HDAC2: variants seen among roughly 807,000 people sequenced by gnomAD.
HDAC2 encodes the protein YY1-associated factor 1.
Under a neutral mutation model 68.5 loss-of-function variants are expected in HDAC2, and 5 were observed. That is an observed-to-expected ratio of 0.07 (90% CI 0.04 to 0.15). HDAC2 has a LOEUF of 0.15. Ranked by LOEUF, HDAC2 falls within the 10% of genes least tolerant of loss-of-function variation. The probability of loss-of-function intolerance (pLI) is 1.00; values close to 1 mark genes in which losing one functional copy is unlikely to be tolerated. For synonymous variants in HDAC2, 182 were observed against 191.3 expected (o/e 0.95, Z 0.40); for missense variants, 291 against 600.8 (o/e 0.48, Z 5.39).
intron 1 of HDAC2, among the ~76,000 whole-genome samples, chr6:113,967,387 C>T (rs1160878272): frequency 6.6e-6 from 1 of 152,166 alleles, no homozygotes; most frequent in Non-Finnish European, 1.5e-5. Context: ...CCTCAGTCTC[C>T]CAAAGTGCTG....
Position 113,944,301 on chromosome 6 carries a change from C to T in HDAC2, c.1201G>A (p.Asp401Asn), listed in dbSNP as rs765221258. The part of the protein sequence containing the change: ...HEDSGDEDGE[D>N]PDKRISIRAS... Reference sequence around the variant, plus strand: ...TTACTAGAAATTCTCTTGTCTGGATCTTCTCCATCTTCATCTCCACTGTCT... The same window carrying T: ...TTACTAGAAATTCTCTTGTCTGGATTTTCTCCATCTTCATCTCCACTGTCT... The change falls in exon 11 of 14, where the codon GAT becomes AAT. Residue 401 changes from aspartate to asparagine, a missense_variant. By Grantham distance (23) the Asp-to-Asn change is conservative. Around this residue, in one of 2 missense-constraint regions of HDAC2, gnomAD observed 137 missense variants for 128.7 expected, o/e 1.06. Coordinates refer to ENST00000519065, the MANE Select transcript of HDAC2 (RefSeq NM_001527.4). The T allele has an allele frequency of 6.2e-7, 1 of 1,612,214 alleles. No individual in the cohort carries two copies. Among genetic ancestry groups the T allele is most frequent in the Non-Finnish European group, 8.5e-7 (1 of 1,178,388 alleles).
chr6:113,951,521 G>A (rs1419216504), intron 6 of HDAC2, among the ~76,000 whole-genome samples: 1 of 147,086 alleles, frequency 6.8e-6, no homozygotes, highest in Non-Finnish European at 1.5e-5. Context: ...AGGCTGGAGT[G>A]CAGTGGAGCG....
chr6:113,965,448 C>CCT (rs974843853), intron 1 of HDAC2, among the ~76,000 whole-genome samples: 7 of 151,652 alleles, frequency 4.6e-5, no homozygotes, highest in Non-Finnish European at 1.0e-4. Context: ...CTCACTGCAA[C>CCT]CTCTCTGCCT....
rs1003145291 is a variant in HDAC2 at position 113,937,840 on chromosome 6, C to A, written c.*3218G>T. 6.6e-6 allele frequency: 1 copy of A among 152,188 alleles called. No homozygotes were observed. The highest frequency in any genetic ancestry group is 2.4e-5 in the African/African-American group (1 of 41,422). 9.4% of individuals were successfully genotyped at this position (152,188 alleles called of 1,614,324 possible). A position where few individuals can be genotyped will look rare whatever the true frequency, so the allele number is the denominator to read the frequency against. On this transcript the variant is annotated 3_prime_UTR_variant, in exon 14 of 14. Transcript: ENST00000519065. ...ACACTCCATCCTGGGTGACCGAGATCCTTTCTCTAAAAAAAAGAGATAAAC... is the reference window on the plus strand; with the variant it reads ...ACACTCCATCCTGGGTGACCGAGATACTTTCTCTAAAAAAAAGAGATAAAC...
At chr6:113,952,157 T>C (rs1156791999) in intron 6 of HDAC2, among the ~76,000 whole-genome samples, 2 of 152,182 alleles carry the variant, frequency 1.3e-5, no homozygotes, top group Admixed American at 6.5e-5. Context: ...AGTTCCCAGG[T>C]GATGCTGATC....
rs1267429207 is a variant in HDAC2 at position 113,937,681 on chromosome 6, C to T, written c.*3377G>A. 1 of 151,684 alleles carries T rather than the reference C, an allele frequency of 6.6e-6. No individual in the cohort carries two copies. Among genetic ancestry groups the T allele is most frequent in the Non-Finnish European group, 1.5e-5 (1 of 67,958 alleles). 9.4% of individuals were successfully genotyped at this position (151,684 alleles called of 1,614,324 possible). ...TGGGCAACACAGGGAGACACCATCT[C>T]TCCAAAATAAAAATGTAAAAATCAG... is the stretch of plus-strand genomic sequence containing the variant. On this transcript the variant is annotated 3_prime_UTR_variant, in exon 14 of 14. Transcript: ENST00000519065.
intron 8 of HDAC2, chr6:113,946,961 A>G (rs1413797501): frequency 1.3e-5 from 2 of 152,116 alleles, no homozygotes; most frequent in African/African-American, 2.4e-5. Context: ...TCGTTTTTCT[A>G]TATTTCCTTC....
chr6:113,960,745 T>C (rs1298539668), intron 1 of HDAC2, among the ~76,000 whole-genome samples: 2 of 152,186 alleles, frequency 1.3e-5, no homozygotes, highest in East Asian at 1.9e-4. Flanking sequence ...ATTAATACTT[T>C]TAGGTAAAGC....
At chr6:113,970,814 C>G in intron 1 of HDAC2, 43 bp downstream of exon 1, 1 of 1,511,194 alleles carries the variant, frequency 6.6e-7, no homozygotes, top group Non-Finnish European at 8.8e-7. Context: ...GAACCCAGCG[C>G]CCGGCCCCGC....
intron 2 of HDAC2, 41 bp downstream of exon 2, chr6:113,959,863 TAA>T (rs749721026): frequency 2.4e-6 from 2 of 824,786 alleles, no homozygotes; most frequent in East Asian, 2.5e-5. Flanking sequence ...TAAAAAAAAA[TAA>T]AAAAGATCAG....
rs1380767437 is a variant in HDAC2, at chr6:113,956,710, T to G, written c.284-17A>C. On this transcript the variant is annotated splice_polypyrimidine_tract_variant and intron_variant, in intron 3 of 13. Coordinates refer to ENST00000519065, the MANE Select transcript of HDAC2 (RefSeq NM_001527.4). The stretch of plus-strand genomic sequence containing the variant: ...CAACATTAACTGTGGAAGATGGATT[T>G]CATTAATTTCAACACATTCTGCAAA... 6.4e-7 allele frequency: 1 copy of G among 1,559,944 alleles called. No individual in the cohort carries two copies. Among genetic ancestry groups the G allele is most frequent in the Non-Finnish European group, 8.8e-7 (1 of 1,131,536 alleles).
At position 113,971,120 on chromosome 6, in the gene HDAC2, T is replaced by C. The variant is rs374558098; in HGVS notation, c.-212A>G. ...GGTGCCGAAAGCTCGGAATCGGAGG[T>C]GGCAGCGGCACCAACTCGCGAGGAG... is the stretch of plus-strand genomic sequence containing the variant. On this transcript the variant is annotated 5_prime_UTR_variant, in exon 1 of 14. Coordinates refer to ENST00000519065, the MANE Select transcript of HDAC2 (RefSeq NM_001527.4). 1,061 of 1,504,860 alleles carry C rather than the reference T, an allele frequency of 7.1e-4. 4 individuals carry two copies. In the African/African-American group the frequency reaches 0.011, roughly 16 times the overall value. 93.2% of individuals were successfully genotyped at this position (1,504,860 alleles called of 1,614,324 possible).
intron 6 of HDAC2, among the ~76,000 whole-genome samples, chr6:113,952,613 C>T (rs1315155346): frequency 6.6e-6 from 1 of 151,994 alleles, no homozygotes; most frequent in Admixed American, 6.6e-5. Flanking sequence ...GAATAAATTT[C>T]GACATTTGTA....
chr6:113,952,611 T>C (rs573894553), intron 6 of HDAC2, among the ~76,000 whole-genome samples: 1 of 152,286 alleles, frequency 6.6e-6, no homozygotes, highest in East Asian at 1.9e-4. Context: ...TTGAATAAAT[T>C]TCGACATTTG....
intron 3 of HDAC2, among the ~76,000 whole-genome samples, chr6:113,957,985 G>A (rs1307983462): frequency 2.6e-5 from 4 of 152,128 alleles, no homozygotes; most frequent in African/African-American, 7.2e-5. Flanking sequence ...AAATGTGTAT[G>A]AGGTTGTAAA....
rs1056883967 is a variant in HDAC2, at chr6:113,935,166, C to T, written c.*5892G>A. ...TTTCACCTAGTCTAGCCAAAGGCAA[C>T]ACAAGTTCAAACTTTCCGGCTAGAC... On this transcript the variant is annotated 3_prime_UTR_variant, in exon 14 of 14. Transcript: ENST00000519065. 3 of 152,174 alleles carry T rather than the reference C, an allele frequency of 2.0e-5. No homozygotes were observed. Among genetic ancestry groups the T allele is most frequent in the Non-Finnish European group, 4.4e-5 (3 of 68,034 alleles). The allele number at this position is 152,174 out of a possible 1,614,324, so 9.4% of individuals were successfully genotyped here.
chr6:113,970,461 G>A, intron 1 of HDAC2: 1 of 1,067,594 alleles, frequency 9.4e-7, no homozygotes, highest in Non-Finnish European at 1.1e-6. Context: ...GTAGGAGGCC[G>A]ACGCGGGGCA....
In HDAC2 at chr6:113,958,776, G is replaced by C. The variant is rs1266085030; in HGVS notation, c.166-10C>G. The C allele has an allele frequency of 1.4e-6, 2 of 1,433,324 alleles. No individual in the cohort carries two copies. The highest frequency in any genetic ancestry group is 2.0e-6 in the Non-Finnish European group (2 of 1,016,640). 88.8% of individuals were successfully genotyped at this position (1,433,324 alleles called of 1,614,324 possible). On this transcript the variant is annotated splice_polypyrimidine_tract_variant and intron_variant, in intron 2 of 13. Coordinates refer to ENST00000519065, the MANE Select transcript of HDAC2 (RefSeq NM_001527.4). Reference sequence around the variant, plus strand: ...TGGCTTTATGGGGCCTCTGTGAAGAGAAATAAATGTCAGAACTGTGGAATT... The same window carrying C: ...TGGCTTTATGGGGCCTCTGTGAAGACAAATAAATGTCAGAACTGTGGAATT...
At chr6:113,958,851 G>T in intron 2 of HDAC2, 85 bp from the exon 3 acceptor site, 1 of 821,316 alleles carries the variant, frequency 1.2e-6, no homozygotes, top group Non-Finnish European at 2.0e-6. Flanking sequence ...TTCCCCTATC[G>T]GTCCCCTCAA....
Sources: allele counts gnomAD v4.1 joint callset (sites outside exome capture counted in the v4.1 genomes callset), GRCh38; gene constraint gnomAD v4.1.1; regional missense constraint gnomAD v4.1.1; transcripts MANE v1.5; gene names NCBI Gene and HGNC (gene_info 2026-07-23, HGNC 2026-07-21).